Variants in PPP2R2C observed in about 807,000 individuals in gnomAD.
PPP2R2C encodes the protein protein phosphatase 2, regulatory subunit B, gamma.
PPP2R2C carries 10 observed loss-of-function variants against 45.3 expected under a neutral mutation model. The ratio of observed to expected loss-of-function variants is 0.22; its 90% confidence interval spans 0.14 to 0.37. The LOEUF (loss-of-function observed/expected upper bound fraction) is 0.37, where lower values mean the gene tolerates loss of function less well. Ranked by LOEUF, PPP2R2C falls within the 10% of genes least tolerant of loss-of-function variation. The pLI is 1.00. For missense variants in PPP2R2C, 308 were observed against 619.7 expected (o/e 0.50, Z 5.34); for synonymous variants, 257 against 245.4 (o/e 1.05, Z -0.44).
intron 1 of PPP2R2C, among the ~76,000 whole-genome samples, chr4:6,456,538 C>T (rs1173208790): frequency 6.6e-6 from 1 of 152,120 alleles, no homozygotes; most frequent in East Asian, 1.9e-4. Context: ...CTGTTTTTAT[C>T]ACCTTTCACA....
intron 2 of PPP2R2C, among the ~76,000 whole-genome samples, chr4:6,491,785 G>T (rs1346132704): frequency 6.6e-6 from 1 of 152,288 alleles, no homozygotes; most frequent in East Asian, 1.9e-4. Flanking sequence ...TGCTGGCCAT[G>T]TGAATATGTG....
intron 1 of PPP2R2C, among the ~76,000 whole-genome samples, chr4:6,460,974 C>T (rs1721290369): frequency 6.6e-6 from 1 of 152,098 alleles, no homozygotes; most frequent in Non-Finnish European, 1.5e-5. Flanking sequence ...CCACACACAT[C>T]CTCTAAATCT....
rs181228933 is a variant in PPP2R2C, at chr4:6,397,768, T to G, written c.71-16674A>C. Among the ~76,000 whole-genome samples, 9 of 152,372 alleles carry G rather than the reference T, an allele frequency of 5.9e-5. No homozygotes were observed. The East Asian group carries it at 1.7e-3, about 29-fold the overall frequency. ...ATAAAATGGGCTTAATATTCACACC[T>G]GCTTCAGAGGGTCCTAAGGATTAAA... is the stretch of plus-strand genomic sequence containing the variant. On this transcript the variant is annotated intron_variant, in intron 1 of 8. Transcript: ENST00000382599.
intron 1 of PPP2R2C, chr4:6,383,552 G>T: frequency 1.4e-6 from 1 of 717,740 alleles, no homozygotes; most frequent in Non-Finnish European, 2.0e-6. Context: ...TACCAGCATG[G>T]CTCCTTCCTA....
rs1049014218 is a variant in PPP2R2C, at chr4:6,328,031, C to G, written c.1052+1231G>C. Among the ~76,000 whole-genome samples, 2 of 152,166 alleles carry G rather than the reference C, an allele frequency of 1.3e-5. No individual in the cohort carries two copies. The highest frequency in any genetic ancestry group is 3.2e-3 in the Middle Eastern group (1 of 316). On this transcript the variant is annotated intron_variant, in intron 8 of 8. Transcript: ENST00000382599. This position sits in a 1 kb window ranked among gnomAD's most constrained non-coding sequence, Gnocchi z 4.4. Reference sequence around the variant, plus strand: ...GGTCCCAGCCCTATGCCCAGAGCCACAGAGAGTCATAGTGCGGCAGCTCTC... The same window carrying G: ...GGTCCCAGCCCTATGCCCAGAGCCAGAGAGAGTCATAGTGCGGCAGCTCTC...
At chr4:6,497,180 G>A (rs1722907831) in intron 2 of PPP2R2C, among the ~76,000 whole-genome samples, 1 of 152,188 alleles carries the variant, frequency 6.6e-6, no homozygotes, top group Non-Finnish European at 1.5e-5. Context: ...CCCAGCAGCA[G>A]GGTGTGATCA....
chr4:6,489,559 C>T (rs963911320), intron 2 of PPP2R2C, among the ~76,000 whole-genome samples: 1 of 152,228 alleles, frequency 6.6e-6, no homozygotes, highest in Non-Finnish European at 1.5e-5. Flanking sequence ...TTGCAACAAA[C>T]TTTTGACAAT....
intron 1 of PPP2R2C, among the ~76,000 whole-genome samples, chr4:6,463,371 G>T (rs1721429669): frequency 6.6e-6 from 1 of 152,168 alleles, no homozygotes; most frequent in African/African-American, 2.4e-5. Context: ...GGGTGGGGGT[G>T]GGGCTGCAGG....
chr4:6,377,164 C>T (rs1270558137), intron 3 of PPP2R2C, among the ~76,000 whole-genome samples: 1 of 152,224 alleles, frequency 6.6e-6, no homozygotes, highest in Non-Finnish European at 1.5e-5. Context: ...TTGGAGGCCC[C>T]GCTGAGGAGC....
chr4:6,416,056 G>A (rs1465296706), intron 1 of PPP2R2C, among the ~76,000 whole-genome samples: 2 of 152,110 alleles, frequency 1.3e-5, no homozygotes, highest in African/African-American at 4.8e-5. Flanking sequence ...TGTCACCCTG[G>A]GTCTTTCTAT....
At chr4:6,477,469 G>A (rs1722202181), upstream of PPP2R2C, among the ~76,000 whole-genome samples, 1 of 152,074 alleles carries the variant, frequency 6.6e-6, no homozygotes, top group Non-Finnish European at 1.5e-5. Context: ...CCTCACGCCT[G>A]TAATCCCAGC....
intron 2 of PPP2R2C, among the ~76,000 whole-genome samples, chr4:6,516,991 T>C (rs1251200215): frequency 1.3e-5 from 2 of 152,138 alleles, no homozygotes; most frequent in Non-Finnish European, 2.9e-5. Flanking sequence ...AGGATATTTA[T>C]AGACAAGGCA....
At chr4:6,432,185 A>G (rs1417500160) in intron 1 of PPP2R2C, among the ~76,000 whole-genome samples, 1 of 152,096 alleles carries the variant, frequency 6.6e-6, no homozygotes, top group Non-Finnish European at 1.5e-5. Context: ...CCTCATGGCT[A>G]TGGTCTTTGC....
At chr4:6,478,284 T>A (rs1385685327) in intron 2 of PPP2R2C, among the ~76,000 whole-genome samples, 1 of 152,232 alleles carries the variant, frequency 6.6e-6, no homozygotes, top group Non-Finnish European at 1.5e-5. Context: ...GCTTCTCGCC[T>A]CCTTCTGTGC....
chr4:6,342,722 C>A (rs532345615), intron 6 of PPP2R2C, among the ~76,000 whole-genome samples: 1 of 152,194 alleles, frequency 6.6e-6, no homozygotes, highest in Non-Finnish European at 1.5e-5. Context: ...GTTGTTTCCA[C>A]GGTTACCCTG....
chr4:6,438,717 G>T (rs1720010520), intron 1 of PPP2R2C, among the ~76,000 whole-genome samples: 1 of 152,170 alleles, frequency 6.6e-6, no homozygotes. Flanking sequence ...ATTTGTTTGG[G>T]ATTTTGCAGA....
In PPP2R2C at chr4:6,452,877, G is replaced by A. The variant is rs185725423; in HGVS notation, c.70+19283C>T. 4.5e-4 allele frequency among the ~76,000 whole-genome samples: 69 copies of A among 152,334 alleles called. 1 individual carries two copies. Among genetic ancestry groups the A allele is most frequent in the Admixed American group, 1.7e-3 (26 of 15,310 alleles). The stretch of plus-strand genomic sequence containing the variant: ...CCAGCTCTGTCCCACAGAGAATCTC[G>A]GCTCCGTGATCAGCAGGCTTACCTA... On this transcript the variant is annotated intron_variant, in intron 1 of 8. Transcript: ENST00000382599.
chr4:6,519,634 G>A (rs1012257367), intron 2 of PPP2R2C, among the ~76,000 whole-genome samples: 10 of 152,186 alleles, frequency 6.6e-5, no homozygotes, highest in African/African-American at 1.2e-4. Flanking sequence ...CATTCTGTCC[G>A]CACCTATTCA....
chr4:6,394,808 G>A (rs553655265), intron 1 of PPP2R2C, among the ~76,000 whole-genome samples: 62 of 152,346 alleles, frequency 4.1e-4, no homozygotes, highest in Middle Eastern at 3.4e-3. Context: ...GCAGGCGGGC[G>A]ATGGGGGCCA....
Sources: allele counts gnomAD v4.1 joint callset (sites outside exome capture counted in the v4.1 genomes callset), GRCh38; gene constraint gnomAD v4.1.1; non-coding constraint Gnocchi (gnomAD v3.1); transcripts MANE v1.5; gene names NCBI Gene and HGNC (gene_info 2026-07-23, HGNC 2026-07-21).